IKBKB: variants seen among roughly 807,000 people sequenced by gnomAD.
IKBKB encodes inhibitor of nuclear factor kappa B kinase subunit beta.
In IKBKB, 42 loss-of-function variants were observed where a neutral mutation model predicts 113.6. The observed-to-expected ratio is 0.37, with a 90% confidence interval of 0.29 to 0.48. The LOEUF (loss-of-function observed/expected upper bound fraction) is 0.48, where lower values mean the gene tolerates loss of function less well. Among genes scored for constraint, IKBKB ranks in the 20% least tolerant of loss-of-function variants. The pLI is 0.99. For missense variants in IKBKB, 673 were observed against 939.7 expected (o/e 0.72, Z 3.71); for synonymous variants, 296 against 361.3 (o/e 0.82, Z 2.05).
chr8:42,313,558 A>G (rs1818126012), intron 8 of IKBKB, among the ~76,000 whole-genome samples: 2 of 152,216 alleles, frequency 1.3e-5, no homozygotes, highest in African/African-American at 2.4e-5. Context: ...GGAAGTATCT[A>G]TGTGTGTGCG....
At chr8:42,302,710 A>G (rs890377248) in intron 5 of IKBKB, among the ~76,000 whole-genome samples, 2 of 152,040 alleles carry the variant, frequency 1.3e-5, no homozygotes, top group Non-Finnish European at 2.9e-5. Flanking sequence ...TATGAAACAA[A>G]TGAATTTTGT....
intron 8 of IKBKB, among the ~76,000 whole-genome samples, chr8:42,311,507 G>A (rs1452630756): frequency 4.3e-5 from 6 of 139,748 alleles, no homozygotes; most frequent in African/African-American, 1.6e-4. Flanking sequence ...GTTGTGGTGA[G>A]CCAAGATTGC....
rs754865895 is a variant in IKBKB at position 42,305,146 on chromosome 8, A to C, written c.389-41A>C. 9.4e-6 allele frequency: 13 copies of C among 1,377,788 alleles called. No homozygotes were observed. In the African/African-American group the frequency reaches 1.7e-4, roughly 18 times the overall value. The allele number at this position is 1,377,788 out of a possible 1,614,324, so 85.3% of individuals were successfully genotyped here. ...GATAGGAGATTCTGTCATGAAAAGCATTTTTTAGGCCTAAGAAAAACTCAC... is the reference window on the plus strand; with the variant it reads ...GATAGGAGATTCTGTCATGAAAAGCCTTTTTTAGGCCTAAGAAAAACTCAC... On this transcript the variant is annotated intron_variant, in intron 5 of 21. Coordinates refer to ENST00000520810, the MANE Select transcript of IKBKB (RefSeq NM_001556.3).
At position 42,314,442 on chromosome 8, in the gene IKBKB, G is replaced by A. The variant is rs1300171902; in HGVS notation, c.800+13G>A. 4.8e-6 allele frequency: 7 copies of A among 1,453,578 alleles called. No individual in the cohort carries two copies. The Admixed American group carries it at 5.0e-5, about 10-fold the overall frequency. 90.0% of individuals were successfully genotyped at this position (1,453,578 alleles called of 1,614,324 possible). ...ATAATCTTAACAGGTAAGGCACAGC[G>A]GCATTACACGAATACATATCTTTCT... On this transcript the variant is annotated intron_variant, in intron 9 of 21. Transcript: ENST00000520810.
intron 1 of IKBKB, chr8:42,271,722 C>T (rs1237376020): frequency 5.9e-6 from 3 of 507,544 alleles, no homozygotes; most frequent in Admixed American, 3.9e-5. Context: ...GTGACCTCGG[C>T]GATGCTCAGA....
Position 42,319,623 on chromosome 8 carries a change from C to G in IKBKB, c.1555C>G (p.Gln519Glu). Residue 519 changes from glutamine to glutamate, a missense_variant, in exon 15 of 22, where the codon CAG (glutamine) becomes GAG (glutamate). By Grantham distance (29) the Gln-to-Glu change is conservative. This residue lies in a region of IKBKB where 506 missense variants were observed against 638.7 expected (regional missense o/e 0.79). Coordinates refer to ENST00000520810, the MANE Select transcript of IKBKB (RefSeq NM_001556.3). ...KLLLAWREME[Q>E]AVELCGRENE... is the part of the protein sequence containing the mutation. ...GCTGCTGGCCTGGAGGGAAATGGAG[C>G]AGGCTGTGGAGCTCTGTGGGCGGGT... 6.3e-7 allele frequency: 1 copy of G among 1,594,566 alleles called. No homozygotes were observed. The highest frequency in any genetic ancestry group is 1.1e-5 in the South Asian group (1 of 87,096).
chr8:42,330,949 A>C lies in IKBKB; in HGVS notation c.2241A>C (p.Glu747Asp), dbSNP rs1284657311. ...LDWSWLQTEE[E>D]EHSCLEQAS is the part of the protein sequence containing the mutation. ...GGAGCTGGTTACAGACGGAAGAAGA[A>C]GAGCACAGCTGCCTGGAGCAGGCCT... Residue 747 changes from glutamate to aspartate, a missense_variant, in exon 22 of 22, where the codon GAA becomes GAC. Glu to Asp is a conservative substitution (Grantham distance 45). Around this residue, in one of 2 missense-constraint regions of IKBKB, gnomAD observed 506 missense variants for 638.7 expected, o/e 0.79. Coordinates refer to ENST00000520810, the MANE Select transcript of IKBKB (RefSeq NM_001556.3). 2.5e-6 allele frequency: 4 copies of C among 1,614,228 alleles called. No homozygotes were observed. The highest frequency in any genetic ancestry group is 3.4e-6 in the Non-Finnish European group (4 of 1,180,048).
At chr8:42,325,255 T>C in intron 19 of IKBKB, 1 of 985,710 alleles carries the variant, frequency 1.0e-6, no homozygotes, top group Non-Finnish European at 1.2e-6. Flanking sequence ...CTGCAGCCCC[T>C]TGGGAGTCAG....
chr8:42,323,819 G>A (rs888777608), intron 19 of IKBKB, among the ~76,000 whole-genome samples: 4 of 152,124 alleles, frequency 2.6e-5, no homozygotes, highest in African/African-American at 9.7e-5. Context: ...GCAGGTATGC[G>A]CAGGTGATAG....
chr8:42,316,686 A>G lies in IKBKB; in HGVS notation c.931-24A>G, dbSNP rs1818740706. The G allele has an allele frequency of 3.8e-6, 6 of 1,592,378 alleles. No homozygotes were observed. The highest frequency in any genetic ancestry group is 1.3e-5 in the African/African-American group (1 of 74,396). On this transcript the variant is annotated intron_variant, in intron 10 of 21. Coordinates refer to ENST00000520810, the MANE Select transcript of IKBKB (RefSeq NM_001556.3). The surrounding 1 kb of genome is among the most constrained non-coding windows in gnomAD (Gnocchi z 4.5). ...ATTTCCTTGAAGAAATCGGTTTTCC[A>G]GTAACATCTGGGTTGTGTTGCAGCT...
Position 42,326,080 on chromosome 8 carries a change from T to A in IKBKB, c.2097T>A (p.Pro699=). ...SQPSTASNSL[P]EPAKKSEELV... ...CCTCCACGGCCTCCAACAGCTTACC[T>A]GAGCCAGCCAAGAAGAGGTAGGTCC... Residue 699 remains proline, a synonymous_variant, in exon 20 of 22, where the codon CCT becomes CCA. Transcript: ENST00000520810. 6.2e-7 allele frequency: 1 copy of A among 1,614,188 alleles called. No individual in the cohort carries two copies. The highest frequency in any genetic ancestry group is 2.2e-5 in the East Asian group (1 of 44,884).
At chr8:42,279,865 T>C (rs1299441591) in intron 2 of IKBKB, among the ~76,000 whole-genome samples, 1 of 152,192 alleles carries the variant, frequency 6.6e-6, no homozygotes, top group Non-Finnish European at 1.5e-5. Flanking sequence ...TGTTTGTTTT[T>C]TGAGACAGGG....
chr8:42,297,434 G>A (rs1036478037), intron 5 of IKBKB, among the ~76,000 whole-genome samples: 11 of 152,240 alleles, frequency 7.2e-5, no homozygotes, highest in African/African-American at 2.4e-4. Context: ...CGCTGGGTCC[G>A]GATTCATTGC....
At chr8:42,274,853 T>C (rs1808725949) in intron 2 of IKBKB, among the ~76,000 whole-genome samples, 1 of 130,276 alleles carries the variant, frequency 7.7e-6, no homozygotes, top group Admixed American at 1.0e-4. Flanking sequence ...CTACCGAGCC[T>C]GGACGAGATC....
Position 42,326,066 on chromosome 8 carries a change from T to A in IKBKB, c.2083T>A (p.Ser695Thr), listed in dbSNP as rs1820679317. ...GCTGATGTCTCAGCCCTCCACGGCC[T>A]CCAACAGCTTACCTGAGCCAGCCAA... Reference protein sequence around the residue: ...GQLMSQPSTASNSLPEPAKKS... With the variant: ...GQLMSQPSTATNSLPEPAKKS... The change falls in exon 20 of 22, where the codon TCC becomes ACC. Residue 695 changes from serine to threonine, a missense_variant. Transcript: ENST00000520810. 4.3e-6 allele frequency: 7 copies of A among 1,614,196 alleles called. No homozygotes were observed. The highest frequency in any genetic ancestry group is 5.9e-6 in the Non-Finnish European group (7 of 1,180,030).
At position 42,317,868 on chromosome 8, in the gene IKBKB, T is replaced by C. The variant is rs1209919614; in HGVS notation, c.1240+97T>C. 5.0e-5 allele frequency: 42 copies of C among 842,454 alleles called. No individual in the cohort carries two copies. In the East Asian group the frequency reaches 1.1e-3, roughly 21 times the overall value. 52.2% of individuals were successfully genotyped at this position (842,454 alleles called of 1,614,324 possible). A position where few individuals can be genotyped will look rare whatever the true frequency, so the allele number is the denominator to read the frequency against. ...CTGGACTAAGGAAGGGGGAGCCACG[T>C]AAAGGAAATTAATATCGCCAGTCCT... On this transcript the variant is annotated intron_variant, in intron 12 of 21. Coordinates refer to ENST00000520810, the MANE Select transcript of IKBKB (RefSeq NM_001556.3).
At chr8:42,281,532 C>T (rs1810373778) in intron 2 of IKBKB, among the ~76,000 whole-genome samples, 1 of 152,148 alleles carries the variant, frequency 6.6e-6, no homozygotes, top group Non-Finnish European at 1.5e-5. Flanking sequence ...CCACTGTGCC[C>T]CTTGGGGGTC....
In IKBKB at chr8:42,272,091, C is replaced by T. The variant is rs758076672; in HGVS notation, c.-10C>T. 9 of 1,613,246 alleles carry T rather than the reference C, an allele frequency of 5.6e-6. No homozygotes were observed. Among genetic ancestry groups the T allele is most frequent in the South Asian group, 1.1e-5 (1 of 91,000 alleles). ...TCCCAAATTGCTTATAGAGTTAGCA[C>T]GACATCAGTATGAGCTGGTCACCTT... On this transcript the variant is annotated 5_prime_UTR_variant, in exon 2 of 22. The change creates a new upstream start codon in the 5' untranslated region. Coordinates refer to ENST00000520810, the MANE Select transcript of IKBKB (RefSeq NM_001556.3).
chr8:42,323,174 A>G (rs1820091301), intron 19 of IKBKB, among the ~76,000 whole-genome samples: 1 of 152,194 alleles, frequency 6.6e-6, no homozygotes, highest in Admixed American at 6.5e-5. Context: ...GTCCAGGGTG[A>G]TGTCATCTCA....
Sources: gnomAD v4.1 joint callset for allele counts (sites outside exome capture counted in the v4.1 genomes callset) on GRCh38, gnomAD v4.1.1 for gene constraint, gnomAD v4.1.1 regional missense constraint, Gnocchi (gnomAD v3.1) non-coding constraint, MANE v1.5 for transcripts, NCBI Gene and HGNC (gene_info 2026-07-23, HGNC 2026-07-21) for gene names.